The following CMSS1 variants were observed in gnomAD, a reference collection of about 807,000 sequenced individuals.
The protein encoded by CMSS1 is protein CMSS1.
In CMSS1, 33 loss-of-function variants were observed where a neutral mutation model predicts 43.5. The ratio of observed to expected loss-of-function variants is 0.76; its 90% CI spans 0.57 to 1.01. The LOEUF (loss-of-function observed/expected upper bound fraction) is 1.01, where lower values mean the gene tolerates loss of function less well. Ranked by LOEUF, CMSS1 falls within the 50% of genes least tolerant of loss-of-function variation. The probability of loss-of-function intolerance (pLI) is 0.00; values close to 1 mark genes in which losing one functional copy is unlikely to be tolerated. For synonymous variants in CMSS1, 115 were observed against 117.2 expected (o/e 0.98, Z 0.12); for missense variants, 313 against 326.4 (o/e 0.96, Z 0.32).
rs144658122 is a variant in CMSS1 at position 100,123,625 on chromosome 3, C to A, written c.65-23348C>A. 2.2e-3 allele frequency among the ~76,000 whole-genome samples: 332 copies of A among 152,264 alleles called. 1 individual carries two copies. The highest frequency in any genetic ancestry group is 7.7e-3 in the African/African-American group (318 of 41,538). ...TCCCAGGCCGTGCGCTGGGTAGACC[C>A]AAGGAAAATGACCTGGGAATTCATG... is the stretch of plus-strand genomic sequence containing the variant. On this transcript the variant is annotated intron_variant, in intron 1 of 9. Coordinates refer to ENST00000421999, the MANE Select transcript of CMSS1 (RefSeq NM_032359.4).
At chr3:100,015,933 A>G (rs1206410273) in intron 1 of CMSS1, among the ~76,000 whole-genome samples, 3 of 152,218 alleles carry the variant, frequency 2.0e-5, no homozygotes, top group Non-Finnish European at 2.9e-5. Context: ...AACCTGATCC[A>G]TGCTAATCAA....
chr3:99,822,456 C>A (rs148793517), intron 1 of CMSS1, among the ~76,000 whole-genome samples: 2 of 152,040 alleles, frequency 1.3e-5, no homozygotes, highest in East Asian at 3.9e-4. Flanking sequence ...TGCGGCCAGG[C>A]GCAGTGGCTC....
rs957697259 is a variant in CMSS1, at chr3:99,821,550, C to T, written c.64+3507C>T. The stretch of plus-strand genomic sequence containing the variant: ...ATTTATTTCCTTATTCCCTGTAAAC[C>T]TTCAGCAACTGTTTGAAGTGACTTA... On this transcript the variant is annotated intron_variant, in intron 1 of 9. Coordinates refer to ENST00000421999, the MANE Select transcript of CMSS1 (RefSeq NM_032359.4). Among the ~76,000 whole-genome samples, 3 of 152,306 alleles carry T rather than the reference C, an allele frequency of 2.0e-5. No homozygotes were observed. The South Asian group carries it at 6.2e-4, about 32-fold the overall frequency.
At chr3:99,900,857 A>G (rs563168554) in intron 1 of CMSS1, among the ~76,000 whole-genome samples, 3 of 152,334 alleles carry the variant, frequency 2.0e-5, no homozygotes, top group African/African-American at 7.2e-5. Context: ...TGATTCTTAC[A>G]TGTAGCAAAG....
Position 100,099,179 on chromosome 3 carries a change from A to AT in CMSS1, c.65-47788dup, listed in dbSNP as rs777905779. ...AGAGAATACAATACTGGATTTCTGC[A>AT]TTTTTTAGTTTTGAAATTGACTTAA... On this transcript the variant is annotated intron_variant, in intron 1 of 9. Coordinates refer to ENST00000421999, the MANE Select transcript of CMSS1 (RefSeq NM_032359.4). Among the ~76,000 whole-genome samples the AT allele has an allele frequency of 2.6e-5, 4 of 152,272 alleles. No individual in the cohort carries two copies. In the East Asian group the frequency reaches 7.7e-4, roughly 29 times the overall value.
At chr3:99,961,897 A>AG (rs1407675013) in intron 1 of CMSS1, among the ~76,000 whole-genome samples, 2 of 71,566 alleles carry the variant, frequency 2.8e-5, no homozygotes, top group Non-Finnish European at 5.2e-5. Flanking sequence ...GCTAGAAACT[A>AG]GGGAAGCACT....
At chr3:100,097,405 C>T (rs1016777992) in intron 1 of CMSS1, among the ~76,000 whole-genome samples, 4 of 152,186 alleles carry the variant, frequency 2.6e-5, no homozygotes, top group African/African-American at 4.8e-5. Flanking sequence ...TATTTTATAT[C>T]ACTGACTTGA....
At chr3:99,874,976 T>C (rs1029187945) in intron 1 of CMSS1, among the ~76,000 whole-genome samples, 8 of 152,314 alleles carry the variant, frequency 5.3e-5, no homozygotes, top group Admixed American at 2.6e-4. Context: ...AATGGCAGCC[T>C]ATGAATTCTG....
intron 1 of CMSS1, among the ~76,000 whole-genome samples, chr3:99,995,929 G>A (rs973029543): frequency 1.3e-5 from 2 of 152,170 alleles, no homozygotes; most frequent in African/African-American, 4.8e-5. Flanking sequence ...TGACTGGAGG[G>A]GCTTGTGTGA....
At chr3:100,116,685 T>G (rs545717482) in intron 1 of CMSS1, among the ~76,000 whole-genome samples, 89 of 152,338 alleles carry the variant, frequency 5.8e-4, no homozygotes, top group African/African-American at 2.1e-3. Context: ...ATCACACTGA[T>G]AGCTGCATTT....
chr3:99,838,363 G>A (rs1366527480), intron 1 of CMSS1, among the ~76,000 whole-genome samples: 3 of 152,180 alleles, frequency 2.0e-5, no homozygotes, highest in South Asian at 2.1e-4. Flanking sequence ...AATCACTCTT[G>A]GCTATGGTGA....
At chr3:99,939,675 A>T (rs578181562) in intron 1 of CMSS1, among the ~76,000 whole-genome samples, 1 of 152,322 alleles carries the variant, frequency 6.6e-6, no homozygotes, top group East Asian at 1.9e-4. Flanking sequence ...CAAAAATTTG[A>T]TAGTAGGTGT....
chr3:100,051,513 C>A (rs1346405958), intron 1 of CMSS1, among the ~76,000 whole-genome samples: 2 of 129,380 alleles, frequency 1.5e-5, no homozygotes, highest in African/African-American at 5.8e-5. Flanking sequence ...CCCCTCCCCC[C>A]ACCCCACAAC....
intron 1 of CMSS1, among the ~76,000 whole-genome samples, chr3:100,000,186 C>T (rs1175774257): frequency 6.6e-6 from 1 of 152,202 alleles, no homozygotes; most frequent in Non-Finnish European, 1.5e-5. Flanking sequence ...TTCCTGCCTT[C>T]TTCTGATCCT....
At chr3:99,843,167 T>G (rs1051904886) in intron 1 of CMSS1, among the ~76,000 whole-genome samples, 1 of 152,238 alleles carries the variant, frequency 6.6e-6, no homozygotes, top group Non-Finnish European at 1.5e-5. Flanking sequence ...TTTTGGTTCA[T>G]CTAACTGCCT....
At chr3:99,898,852 A>G (rs1420211757) in intron 1 of CMSS1, 2 of 152,096 alleles carry the variant, frequency 1.3e-5, no homozygotes, top group Non-Finnish European at 2.9e-5. Context: ...GAACTATTAC[A>G]TATGAATACC....
At chr3:99,905,487 A>G (rs1706585262) in intron 1 of CMSS1, among the ~76,000 whole-genome samples, 1 of 152,212 alleles carries the variant, frequency 6.6e-6, no homozygotes, top group Admixed American at 6.5e-5. Flanking sequence ...AGAACATGTA[A>G]CATACTCCAT....
chr3:100,133,816 A>C (rs1324976826), intron 1 of CMSS1, among the ~76,000 whole-genome samples: 1 of 152,210 alleles, frequency 6.6e-6, no homozygotes, highest in East Asian at 1.9e-4. Flanking sequence ...GCAATGAAGG[A>C]CCTTGTCCTA....
intron 1 of CMSS1, among the ~76,000 whole-genome samples, chr3:100,093,045 T>C (rs868727540): frequency 6.6e-6 from 1 of 151,968 alleles, no homozygotes; most frequent in South Asian, 2.1e-4. Context: ...GGAGTAGAGG[T>C]TACTAGATAA....
Sources: allele counts gnomAD v4.1 joint callset (sites outside exome capture counted in the v4.1 genomes callset), GRCh38; gene constraint gnomAD v4.1.1; transcripts MANE v1.5; gene names NCBI Gene and HGNC (gene_info 2026-07-23, HGNC 2026-07-21).